The following CD101 variants were observed in gnomAD, a reference collection of about 807,000 sequenced individuals.
CD101 encodes the protein CD101 molecule, also known as immunoglobulin superfamily member 2.
Under a neutral mutation model 98.2 loss-of-function variants are expected in CD101, and 76 were observed. The observed-to-expected ratio is 0.77, with a 90% CI of 0.64 to 0.94. CD101 has a LOEUF of 0.94. CD101 is among the 40% of genes least tolerant of loss of function. The pLI, the probability that CD101 is intolerant of heterozygous loss-of-function variation, is 0.00. For missense variants in CD101, 1,145 were observed against 1,218.8 expected, an observed-to-expected ratio of 0.94 and a Z score of 0.90; for synonymous variants, 471 against 472.7, an observed-to-expected ratio of 1.00 and a Z score of 0.05.
rs1652847469 is a variant in CD101 at position 117,010,887 on chromosome 1, G to A, written c.424+657G>A. Among the ~76,000 whole-genome samples the A allele has an allele frequency of 6.6e-6, 1 of 152,042 alleles. No homozygotes were observed. The highest frequency in any genetic ancestry group is 2.4e-5 in the African/African-American group (1 of 41,388). The stretch of plus-strand genomic sequence containing the variant: ...GCATGTATCCAGTTACATGGTAATT[G>A]GCTATTTGTATGCCTCTTTCCCACC... On this transcript the variant is annotated intron_variant, in intron 2 of 9. Transcript: ENST00000682167. The surrounding 1 kb of genome is among the most constrained non-coding windows in gnomAD (Gnocchi z 5.2).
At chr1:117,029,237 G>GA (rs1300291889) in intron 8 of CD101, among the ~76,000 whole-genome samples, 6 of 131,834 alleles carry the variant, frequency 4.6e-5, no homozygotes, top group South Asian at 2.2e-4. Context: ...AAGAAAGAAA[G>GA]AAAGAAAGAA....
intron 8 of CD101, among the ~76,000 whole-genome samples, chr1:117,031,604 G>T (rs1024972133): frequency 1.3e-5 from 2 of 152,212 alleles, no homozygotes; most frequent in African/African-American, 4.8e-5. Context: ...TTCTCTGTCT[G>T]TTCTCTTGGG....
Position 117,012,446 on chromosome 1 carries a change from A to G in CD101, c.841+480A>G, listed in dbSNP as rs2101121561. Among the ~76,000 whole-genome samples, 1 of 152,370 alleles carries G rather than the reference A, an allele frequency of 6.6e-6. No individual in the cohort carries two copies. Among genetic ancestry groups the G allele is most frequent in the South Asian group, 2.1e-4 (1 of 4,828 alleles). ...TCTCTCCAAAGCCCACTCAGCACAG[A>G]CAGCTGGGCCTCAAAGTAGCTCCAG... On this transcript the variant is annotated intron_variant, in intron 3 of 9. Coordinates refer to ENST00000682167, the MANE Select transcript of CD101 (RefSeq NM_001256106.3). The surrounding 1 kb of genome is among the most constrained non-coding windows in gnomAD (Gnocchi z 4.0).
At position 117,017,399 on chromosome 1, in the gene CD101, T is replaced by G. The variant is rs1406742499; in HGVS notation, c.1538T>G (p.Val513Gly). Reference sequence around the variant, plus strand: ...GACAGTGGCACATATGAGTGCAGAGTATCTGAGAAGTCTCGGAACCAGGCC... The same window carrying G: ...GACAGTGGCACATATGAGTGCAGAGGATCTGAGAAGTCTCGGAACCAGGCC... ...ITDSGTYECR[V>G]SEKSRNQARD... Residue 513 changes from valine to glycine, a missense_variant, in exon 5 of 10, where the codon GTA (valine) becomes GGA (glycine). Physicochemically the swap from Val to Gly is moderately radical, Grantham distance 109 (BLOSUM62 -3). Coordinates refer to ENST00000682167, the MANE Select transcript of CD101 (RefSeq NM_001256106.3). The G allele has an allele frequency of 2.5e-6, 4 of 1,614,138 alleles. No individual in the cohort carries two copies. Among genetic ancestry groups the G allele is most frequent in the Non-Finnish European group, 3.4e-6 (4 of 1,180,014 alleles).
rs1307243379 is a variant in CD101, at chr1:117,006,028, A to T, written c.44-3822A>T. Among the ~76,000 whole-genome samples the T allele has an allele frequency of 6.6e-6, 1 of 152,156 alleles. No individual in the cohort carries two copies. Among genetic ancestry groups the T allele is most frequent in the East Asian group, 1.9e-4 (1 of 5,202 alleles). On this transcript the variant is annotated intron_variant, in intron 1 of 9. Coordinates refer to ENST00000682167, the MANE Select transcript of CD101 (RefSeq NM_001256106.3). The surrounding 1 kb of genome is among the most constrained non-coding windows in gnomAD (Gnocchi z 4.4). ...CCTTCCTGTCTATTCCATGGTCTTC[A>T]AATTTAGTATTTCTAAAATTAAATG...
At position 117,017,140 on chromosome 1, in the gene CD101, G is replaced by A. The variant is rs1197576778; in HGVS notation, c.1279G>A (p.Gly427Arg). The A allele has an allele frequency of 6.2e-7, 1 of 1,614,116 alleles. No individual in the cohort carries two copies. The highest frequency in any genetic ancestry group is 1.3e-5 in the African/African-American group (1 of 74,950). ...TKNKQQVVWE[G>R]ETLAFLCKAG... ...GAACAAGCAGCAAGTTGTGTGGGAA[G>A]GAGAGACACTCGCCTTTCTCTGTAA... The change falls in exon 5 of 10, where the codon GGA becomes AGA. Residue 427 changes from glycine to arginine, a missense_variant. Gly to Arg is a moderately radical substitution (Grantham distance 125). Coordinates refer to ENST00000682167, the MANE Select transcript of CD101 (RefSeq NM_001256106.3).
intron 5 of CD101, 41 bp downstream of exon 5, chr1:117,017,514 C>G: frequency 6.4e-7 from 1 of 1,559,784 alleles, no homozygotes; most frequent in Non-Finnish European, 8.7e-7. Flanking sequence ...CTGTATATCA[C>G]TCAATTCATT....
intron 7 of CD101, 44 bp from the exon 8 acceptor site, chr1:117,025,465 C>A: frequency 1.3e-6 from 2 of 1,487,528 alleles, no homozygotes; most frequent in Non-Finnish European, 1.8e-6. Context: ...GTATCCAAAT[C>A]TGAAAGTCTG....
chr1:117,009,747 T>A, intron 1 of CD101, 103 bp from the exon 2 acceptor site: 3 of 1,250,608 alleles, frequency 2.4e-6, no homozygotes. Flanking sequence ...TAACTTGCGA[T>A]CTCATTTACC....
rs1480986039 is a variant in CD101, at chr1:117,023,902, A to G, written c.2429-1607A>G. Among the ~76,000 whole-genome samples the G allele has an allele frequency of 6.6e-6, 1 of 152,166 alleles. No individual in the cohort carries two copies. The highest frequency in any genetic ancestry group is 2.4e-5 in the African/African-American group (1 of 41,454). Reference sequence around the variant, plus strand: ...TCTGAGGTTGGAAGAAAAGAAGTCAATTTCAAGGAGAAATTGGACTCCAGT... The same window carrying G: ...TCTGAGGTTGGAAGAAAAGAAGTCAGTTTCAAGGAGAAATTGGACTCCAGT... On this transcript the variant is annotated intron_variant, in intron 7 of 9. Coordinates refer to ENST00000682167, the MANE Select transcript of CD101 (RefSeq NM_001256106.3). The surrounding 1 kb of genome is among the most constrained non-coding windows in gnomAD (Gnocchi z 4.4).
Position 117,017,120 on chromosome 1 carries a change from AG to A in CD101, c.1260del (p.Lys420AsnfsTer26). ...AGTGTGGTCATGTCTACCAAGAACA[AG>A]CAGCAAGTTGTGTGGGAAGGAGAGA... ...ARSVVMSTKN[K>X]QQVVWEGETL... On this transcript the variant is annotated frameshift_variant, in exon 5 of 10. Coordinates refer to ENST00000682167, the MANE Select transcript of CD101 (RefSeq NM_001256106.3). LOFTEE classifies it high-confidence loss of function. The A allele has an allele frequency of 6.2e-7, 1 of 1,614,148 alleles. No homozygotes were observed. Among genetic ancestry groups the A allele is most frequent in the Middle Eastern group, 1.7e-4 (1 of 6,060 alleles).
Position 117,022,793 on chromosome 1 carries a change from G to A in CD101, c.2428+810G>A, listed in dbSNP as rs114668813. ...GCAGTGGAATACAAAGATAAAGAAG[G>A]CACAGCCCTGGCCCTTAAGGAGCTC... is the stretch of plus-strand genomic sequence containing the variant. On this transcript the variant is annotated intron_variant, in intron 7 of 9. Transcript: ENST00000682167. This position sits in a 1 kb window ranked among gnomAD's most constrained non-coding sequence, Gnocchi z 4.8. Among the ~76,000 whole-genome samples the A allele has an allele frequency of 6.6e-6, 1 of 152,154 alleles. No individual in the cohort carries two copies. The highest frequency in any genetic ancestry group is 6.5e-5 in the Admixed American group (1 of 15,274).
intron 1 of CD101, among the ~76,000 whole-genome samples, chr1:117,007,915 G>A (rs968068835): frequency 6.6e-6 from 1 of 152,166 alleles, no homozygotes; most frequent in Non-Finnish European, 1.5e-5. Flanking sequence ...GGACATATGG[G>A]TTGTCTCTTG....
rs1210009415 is a variant in CD101, at chr1:117,033,723, T to A, written c.2825-137T>A. On this transcript the variant is annotated intron_variant, in intron 8 of 9. Transcript: ENST00000682167. This position sits in a 1 kb window ranked among gnomAD's most constrained non-coding sequence, Gnocchi z 4.8. Reference sequence around the variant, plus strand: ...TGCTCTGTCCTGTGCTCCTCATGATTTCAGGGGCCCACTGCTATTTGGCCC... The same window carrying A: ...TGCTCTGTCCTGTGCTCCTCATGATATCAGGGGCCCACTGCTATTTGGCCC... 1 of 1,132,136 alleles carries A rather than the reference T, an allele frequency of 8.8e-7. No homozygotes were observed. The highest frequency in any genetic ancestry group is 1.2e-6 in the Non-Finnish European group (1 of 800,370). 70.1% of individuals were successfully genotyped at this position (1,132,136 alleles called of 1,614,324 possible). A position where few individuals can be genotyped will look rare whatever the true frequency, so the allele number is the denominator to read the frequency against.
At position 117,025,867 on chromosome 1, in the gene CD101, T is replaced by C. The variant is rs1464612558; in HGVS notation, c.2787T>C (p.Asp929=). ...GCAAGTGGATTAATCAAGCATCCGA[T>C]GAGTCACAGCGGATGGTGCTCACGG... ...HPSKWINQAS[D]ESQRMVLTVL... is the part of the protein sequence containing the mutation. The change falls in exon 8 of 10, where the codon GAT becomes GAC. Residue 929 remains aspartate, a synonymous_variant. Transcript: ENST00000682167. The C allele has an allele frequency of 6.2e-6, 10 of 1,613,708 alleles. No individual in the cohort carries two copies. Among genetic ancestry groups the C allele is most frequent in the Admixed American group, 1.7e-5 (1 of 59,998 alleles).
chr1:117,035,278 C>T (rs1002902195), intron 9 of CD101, among the ~76,000 whole-genome samples: 1 of 152,186 alleles, frequency 6.6e-6, no homozygotes, highest in African/African-American at 2.4e-5. Context: ...TGCTTTAACA[C>T]TCGTTAATTT....
At chr1:117,011,482 C>A in intron 2 of CD101, 68 bp from the exon 3 acceptor site, 1 of 1,366,938 alleles carries the variant, frequency 7.3e-7, no homozygotes, top group Non-Finnish European at 1.0e-6. Flanking sequence ...TAGCTCAGGG[C>A]GCCATCTAAG....
At chr1:117,027,714 T>C (rs1297066441) in intron 8 of CD101, among the ~76,000 whole-genome samples, 1 of 152,134 alleles carries the variant, frequency 6.6e-6, no homozygotes, top group Non-Finnish European at 1.5e-5. Context: ...ATCATGACAG[T>C]GATGGAGTGT....
Position 117,013,927 on chromosome 1 carries a change from G to A in CD101, c.1228+135G>A, listed in dbSNP as rs566552915. 1.5e-3 allele frequency: 1,639 copies of A among 1,087,604 alleles called. 2 individuals are homozygous for A. Among genetic ancestry groups the A allele is most frequent in the Non-Finnish European group, 2.0e-3 (1,524 of 772,800 alleles). 67.4% of individuals were successfully genotyped at this position (1,087,604 alleles called of 1,614,324 possible). A position where few individuals can be genotyped will look rare whatever the true frequency, so the allele number is the denominator to read the frequency against. ...ATCAGATCACATTGGAGGTGGAGTG[G>A]AGTGGAGTAAAGGAAGGCACCCAAA... On this transcript the variant is annotated intron_variant, in intron 4 of 9. Transcript: ENST00000682167.
Sources: allele counts gnomAD v4.1 joint callset (sites outside exome capture counted in the v4.1 genomes callset), GRCh38; gene constraint gnomAD v4.1.1; non-coding constraint Gnocchi (gnomAD v3.1); transcripts MANE v1.5; gene names NCBI Gene and HGNC (gene_info 2026-07-23, HGNC 2026-07-21).